The following CDH13 variants were observed in gnomAD, a reference collection of about 807,000 sequenced individuals.
The protein encoded by CDH13 is cadherin 13.
Under a neutral mutation model 63.8 loss-of-function variants are expected in CDH13, and 24 were observed. That is an observed-to-expected ratio of 0.38 (90% CI 0.27 to 0.53). The LOEUF (loss-of-function observed/expected upper bound fraction) is 0.53. Among genes scored for constraint, CDH13 ranks in the 20% least tolerant of loss-of-function variants. The pLI, the probability that CDH13 is intolerant of heterozygous loss-of-function variation, is 0.85. For synonymous variants in CDH13, 503 were observed against 355.3 expected (o/e 1.42, Z -4.67); for missense variants, 1,049 against 903.1 (o/e 1.16, Z -2.07).
chr16:82,808,416 C>T (rs1219907855), intron 1 of CDH13, among the ~76,000 whole-genome samples: 2 of 152,020 alleles, frequency 1.3e-5, no homozygotes, highest in Non-Finnish European at 2.9e-5. Flanking sequence ...CACTGAATGC[C>T]TTATGCTTTT....
At chr16:83,309,293 A>C (rs1000376648) in intron 5 of CDH13, among the ~76,000 whole-genome samples, 1 of 152,058 alleles carries the variant, frequency 6.6e-6, no homozygotes, top group African/African-American at 2.4e-5. Context: ...ATCTATATCG[A>C]AGTCAGATTT....
chr16:82,872,566 C>G (rs2040376326), intron 2 of CDH13, among the ~76,000 whole-genome samples: 1 of 150,766 alleles, frequency 6.6e-6, no homozygotes, highest in Admixed American at 6.6e-5. Context: ...AGCAGAAGTT[C>G]TTATTATTCT....
In CDH13 at chr16:83,479,655, T is replaced by G. The variant is rs531261835; in HGVS notation, c.782-6822T>G. Among the ~76,000 whole-genome samples, 24 of 3,118 alleles carry G rather than the reference T, an allele frequency of 7.7e-3. No individual in the cohort carries two copies. The South Asian group carries it at 0.17, about 23-fold the overall frequency. 2.0% of individuals were successfully genotyped at this position (3,118 alleles called of 152,430 possible). A position where few individuals can be genotyped will look rare whatever the true frequency, so the allele number is the denominator to read the frequency against. ...CTGGTGGACTGAGTGAGACTCCGTCTCCAAAAAAAAACTTACATTTCTCCA... is the reference window on the plus strand; with the variant it reads ...CTGGTGGACTGAGTGAGACTCCGTCGCCAAAAAAAAACTTACATTTCTCCA... On this transcript the variant is annotated intron_variant, in intron 6 of 13. Transcript: ENST00000567109.
intron 3 of CDH13, among the ~76,000 whole-genome samples, chr16:83,119,513 A>T (rs144920835): frequency 1.3e-5 from 2 of 152,118 alleles, no homozygotes; most frequent in Non-Finnish European, 2.9e-5. Flanking sequence ...AAGAGATCTT[A>T]TTACCTCCCT....
At chr16:83,782,505 G>T (rs781651650) in intron 12 of CDH13, among the ~76,000 whole-genome samples, 1 of 152,144 alleles carries the variant, frequency 6.6e-6, no homozygotes, top group Non-Finnish European at 1.5e-5. Flanking sequence ...GGAGGCCGAG[G>T]CAGGCAGATC....
chr16:83,609,689 C>T (rs573469912), intron 8 of CDH13, among the ~76,000 whole-genome samples: 4 of 152,246 alleles, frequency 2.6e-5, no homozygotes, highest in African/African-American at 4.8e-5. Context: ...TGATTATAGG[C>T]CATTCAAGTT....
chr16:83,303,958 G>A (rs1041399407), intron 5 of CDH13, among the ~76,000 whole-genome samples: 3 of 152,148 alleles, frequency 2.0e-5, no homozygotes, highest in Non-Finnish European at 4.4e-5. Flanking sequence ...CTCAGACTTT[G>A]CCTATCTGAT....
chr16:82,906,743 T>G (rs1474183632), intron 2 of CDH13, among the ~76,000 whole-genome samples: 2 of 152,124 alleles, frequency 1.3e-5, no homozygotes, highest in Non-Finnish European at 2.9e-5. Context: ...CTCCGAAGGC[T>G]CCAGGGGAGG....
intron 1 of CDH13, among the ~76,000 whole-genome samples, chr16:82,803,736 A>G (rs1341477169): frequency 6.6e-6 from 1 of 152,104 alleles, no homozygotes; most frequent in Non-Finnish European, 1.5e-5. Flanking sequence ...AAGGACAGAA[A>G]CTGCAGGATT....
chr16:82,901,021 TC>T (rs2041448613), intron 2 of CDH13, among the ~76,000 whole-genome samples: 2 of 151,786 alleles, frequency 1.3e-5, no homozygotes, highest in South Asian at 4.2e-4. Flanking sequence ...TTCTTGGAGA[TC>T]AAGTTAATGC....
chr16:83,521,305 C>T (rs2074829585), intron 7 of CDH13, among the ~76,000 whole-genome samples: 1 of 151,670 alleles, frequency 6.6e-6, no homozygotes, highest in Non-Finnish European at 1.5e-5. Flanking sequence ...ACTGTGAGGT[C>T]CTTCAAGAGA....
intron 5 of CDH13, among the ~76,000 whole-genome samples, chr16:83,268,410 G>C (rs1261045554): frequency 6.6e-6 from 1 of 152,192 alleles, no homozygotes. Flanking sequence ...TTTCAGGGCA[G>C]TTGCCACAGT....
At chr16:82,747,858 C>T (rs2034247451) in intron 1 of CDH13, among the ~76,000 whole-genome samples, 1 of 152,080 alleles carries the variant, frequency 6.6e-6, no homozygotes, top group Admixed American at 6.6e-5. Flanking sequence ...TTGCATTTTC[C>T]CCACAAGTGA....
chr16:82,971,495 A>G (rs1315589803), intron 2 of CDH13, among the ~76,000 whole-genome samples: 1 of 152,206 alleles, frequency 6.6e-6, no homozygotes, highest in Non-Finnish European at 1.5e-5. Context: ...GGGCAGAGAG[A>G]TTATGGCCAT....
rs557905089 is a variant in CDH13 at position 82,667,107 on chromosome 16, A to G, written c.45+39970A>G. On this transcript the variant is annotated intron_variant, in intron 1 of 13. Coordinates refer to ENST00000567109, the MANE Select transcript of CDH13 (RefSeq NM_001257.5). ...GGAATACTTTGACTTGTGTCTTCAG[A>G]AGTTATCTGATGCCAGCTTATTCAC... 7.2e-5 allele frequency among the ~76,000 whole-genome samples: 11 copies of G among 152,264 alleles called. No individual in the cohort carries two copies. In the East Asian group the frequency reaches 2.1e-3, roughly 29 times the overall value.
intron 1 of CDH13, among the ~76,000 whole-genome samples, chr16:82,750,994 T>G (rs1224956387): frequency 6.6e-6 from 1 of 152,180 alleles, no homozygotes; most frequent in African/African-American, 2.4e-5. Context: ...TTGCAAAAAT[T>G]ATGGCGCTGG....
At chr16:83,527,588 T>G (rs1047276992) in intron 7 of CDH13, among the ~76,000 whole-genome samples, 3 of 152,222 alleles carry the variant, frequency 2.0e-5, no homozygotes, top group African/African-American at 7.2e-5. Context: ...TACATCCGTT[T>G]GATGGCATTA....
At position 82,737,406 on chromosome 16, in the gene CDH13, G is replaced by A. The variant is rs559221326; in HGVS notation, c.45+110269G>A. On this transcript the variant is annotated intron_variant, in intron 1 of 13. Coordinates refer to ENST00000567109, the MANE Select transcript of CDH13 (RefSeq NM_001257.5). The stretch of plus-strand genomic sequence containing the variant: ...CCATGTTATTTCCATTTCACCCACC[G>A]TTGTGTGATACCACAGCGTCTGTTT... Among the ~76,000 whole-genome samples, 18 of 152,166 alleles carry A rather than the reference G, an allele frequency of 1.2e-4. No homozygotes were observed. In the South Asian group the frequency reaches 1.2e-3, roughly 11 times the overall value.
At chr16:83,291,150 T>C (rs2089457148) in intron 5 of CDH13, among the ~76,000 whole-genome samples, 1 of 152,214 alleles carries the variant, frequency 6.6e-6, no homozygotes, top group Admixed American at 6.5e-5. Context: ...TTCATGCTGA[T>C]TATAGTGATC....
Sources: allele counts gnomAD v4.1 joint callset (sites outside exome capture counted in the v4.1 genomes callset), GRCh38; gene constraint gnomAD v4.1.1; transcripts MANE v1.5; gene names NCBI Gene and HGNC (gene_info 2026-07-23, HGNC 2026-07-21).